CACNA1H: variants seen among roughly 807,000 people sequenced by gnomAD.
The protein encoded by CACNA1H is calcium voltage-gated channel subunit alpha1 H.
Under a neutral mutation model 192.5 loss-of-function variants are expected in CACNA1H, and 149 were observed. That is an observed-to-expected ratio of 0.77 (90% CI 0.68 to 0.89). The LOEUF is 0.89. Ranked by LOEUF, CACNA1H falls within the 40% of genes least tolerant of loss-of-function variation. The probability of loss-of-function intolerance (pLI) is 0.00; values close to 1 mark genes in which losing one functional copy is unlikely to be tolerated. For missense variants in CACNA1H, 4,257 were observed against 3,423.5 expected (o/e 1.24, Z -6.08); for synonymous variants, 2,202 against 1,475.2 (o/e 1.49, Z -11.29).
At position 1,194,958 on chromosome 16, in the gene CACNA1H, A is replaced by C. The variant is rs1966854878; in HGVS notation, c.300-14A>C. ...CCGGGCCGCGCCGGTGTGCTCCTTA[A>C]CCCGCGGCGACACATGGTTCGAGCA... is the stretch of plus-strand genomic sequence containing the variant. On this transcript the variant is annotated splice_polypyrimidine_tract_variant and intron_variant, in intron 2 of 34. Transcript: ENST00000348261. 6.3e-7 allele frequency: 1 copy of C among 1,595,090 alleles called. No individual in the cohort carries two copies. Among genetic ancestry groups the C allele is most frequent in the African/African-American group, 1.3e-5 (1 of 74,452 alleles).
chr16:1,203,289 T>C (rs901738734), intron 9 of CACNA1H, among the ~76,000 whole-genome samples: 6 of 152,208 alleles, frequency 3.9e-5, no homozygotes, highest in Admixed American at 1.3e-4. Flanking sequence ...GTCATTTTCA[T>C]GTCAGTTTCG....
chr16:1,211,540 G>C lies in CACNA1H; in HGVS notation c.4410G>C (p.Lys1470Asn), dbSNP rs909381456. The change falls in exon 23 of 35, where the codon AAG (lysine) becomes AAC (asparagine). Residue 1470 changes from lysine (K) to asparagine (N), a missense_variant. By Grantham distance (94) the Lys-to-Asn change is moderately conservative. Coordinates refer to ENST00000348261, the MANE Select transcript of CACNA1H (RefSeq NM_021098.3). ...EGPDTRNIST[K>N]AQCRAAHYRW... ...CCGACACCAGGAACATCTCCACCAAGGCACAGTGCCGGGCCGCCCACTACC... is the reference window on the plus strand; with the variant it reads ...CCGACACCAGGAACATCTCCACCAACGCACAGTGCCGGGCCGCCCACTACC... 1.2e-6 allele frequency: 2 copies of C among 1,612,474 alleles called. No homozygotes were observed. Among genetic ancestry groups the C allele is most frequent in the Non-Finnish European group, 1.7e-6 (2 of 1,179,712 alleles).
intron 16 of CACNA1H, 29 bp from the exon 17 acceptor site, chr16:1,209,003 C>T: frequency 1.4e-6 from 2 of 1,471,006 alleles, no homozygotes; most frequent in Non-Finnish European, 1.8e-6. Context: ...AGTGATGCCA[C>T]CAGGTCACTG....
In CACNA1H at chr16:1,206,283, T is replaced by C. The variant is rs1802851434; in HGVS notation, c.2783T>C (p.Ile928Thr). 2 of 1,555,310 alleles carry C rather than the reference T, an allele frequency of 1.3e-6. No individual in the cohort carries two copies. The highest frequency in any genetic ancestry group is 1.4e-5 in the African/African-American group (1 of 73,234). ...FCTLLMLFIF[I>T]FSILGMHLFG... Reference sequence around the variant, plus strand: ...ACGCTGCTCATGCTCTTCATTTTCATCTTCAGGTGGGCGCAACCCCCCTCC... The same window carrying C: ...ACGCTGCTCATGCTCTTCATTTTCACCTTCAGGTGGGCGCAACCCCCCTCC... The change falls in exon 12 of 35, where the codon ATC (isoleucine) becomes ACC (threonine). Residue 928 changes from isoleucine (I) to threonine (T), a missense_variant. Transcript: ENST00000348261.
In CACNA1H at chr16:1,183,788, T is replaced by C. The variant is rs573522382; in HGVS notation, c.300-11184T>C. Reference sequence around the variant, plus strand: ...CGTATACACGGGTGAGCACGTGACCTGGCGTGTTGCTCCCCCAGTGGGGTC... The same window carrying C: ...CGTATACACGGGTGAGCACGTGACCCGGCGTGTTGCTCCCCCAGTGGGGTC... On this transcript the variant is annotated intron_variant, in intron 2 of 34. Transcript: ENST00000348261. 4.6e-5 allele frequency among the ~76,000 whole-genome samples: 7 copies of C among 152,378 alleles called. No individual in the cohort carries two copies. In the South Asian group the frequency reaches 1.2e-3, roughly 27 times the overall value.
intron 2 of CACNA1H, among the ~76,000 whole-genome samples, chr16:1,155,307 C>T (rs933678631): frequency 3.3e-5 from 5 of 152,206 alleles, no homozygotes; most frequent in African/African-American, 9.6e-5. Context: ...GCCTCTGTAG[C>T]CTCAGGGTGG....
intron 2 of CACNA1H, among the ~76,000 whole-genome samples, chr16:1,182,347 G>GCAGC (rs1965560763): frequency 1.3e-5 from 2 of 152,268 alleles, no homozygotes; most frequent in African/African-American, 4.8e-5. Flanking sequence ...GAATGTTCCG[G>GCAGC]CAGCCGGGAG....
chr16:1,185,144 C>A (rs114131783), intron 2 of CACNA1H, among the ~76,000 whole-genome samples: 2,546 of 152,322 alleles, frequency 0.017, 72 homozygotes, highest in African/African-American at 0.058. Context: ...TTCCCAGCAT[C>A]ATGTTCCCGG....
At chr16:1,186,664 G>A (rs928138518) in intron 2 of CACNA1H, among the ~76,000 whole-genome samples, 11 of 152,278 alleles carry the variant, frequency 7.2e-5, no homozygotes, top group Admixed American at 2.0e-4. Context: ...CTCCTGCCCC[G>A]TGTGCCCTGG....
chr16:1,178,869 G>T (rs7184761), intron 2 of CACNA1H, among the ~76,000 whole-genome samples: 1 of 152,210 alleles, frequency 6.6e-6, no homozygotes, highest in Non-Finnish European at 1.5e-5. Context: ...AGGAAGGACC[G>T]AACGGTGGCA....
intron 2 of CACNA1H, among the ~76,000 whole-genome samples, chr16:1,178,019 C>T (rs1293073089): frequency 7.5e-6 from 1 of 133,298 alleles, no homozygotes; most frequent in Non-Finnish European, 1.6e-5. Context: ...TCCCCCACTC[C>T]CTCTCCCTGG....
intron 2 of CACNA1H, among the ~76,000 whole-genome samples, chr16:1,171,142 G>A (rs910985284): frequency 7.9e-5 from 12 of 152,164 alleles, no homozygotes; most frequent in African/African-American, 2.6e-4. Flanking sequence ...CTTCCCACCC[G>A]CACCCCTGGG....
In CACNA1H at chr16:1,205,230, G is replaced by A. The variant is rs372206587; in HGVS notation, c.2568G>A (p.Pro856=). The A allele has an allele frequency of 2.0e-5, 33 of 1,611,780 alleles. No homozygotes were observed. Among genetic ancestry groups the A allele is most frequent in the African/African-American group, 1.2e-4 (9 of 74,912 alleles). ...ACGPLGYIRN[P]YNIFDGIIVV... is the part of the protein sequence containing the mutation. ...GCCCTCTGGGCTACATCCGGAACCC[G>A]TACAACATCTTCGACGGCATCATCG... Residue 856 remains proline, a synonymous_variant, in exon 11 of 35, where the codon CCG becomes CCA. Coordinates refer to ENST00000348261, the MANE Select transcript of CACNA1H (RefSeq NM_021098.3).
At chr16:1,212,294 G>A in intron 25 of CACNA1H, 156 bp downstream of exon 25, 1 of 1,223,944 alleles carries the variant, frequency 8.2e-7, no homozygotes, top group Non-Finnish European at 1.1e-6. Flanking sequence ...TGGAGGGGCT[G>A]GCCCGAGAGG....
At chr16:1,195,846 C>G (rs1312577674) in intron 4 of CACNA1H, 80 bp from the exon 5 acceptor site, 6 of 1,138,650 alleles carry the variant, frequency 5.3e-6, no homozygotes, top group Non-Finnish European at 6.7e-6. Flanking sequence ...CTATGCCTGC[C>G]CACCCTACTT....
At chr16:1,209,524 C>A in intron 17 of CACNA1H, 112 bp downstream of exon 17, 1 of 1,349,562 alleles carries the variant, frequency 7.4e-7, no homozygotes, top group Non-Finnish European at 1.0e-6. Flanking sequence ...TGAGGGGATT[C>A]AGAAGGGGAG....
At chr16:1,199,335 G>A (rs371431288) in intron 6 of CACNA1H, among the ~76,000 whole-genome samples, 1,308 of 35,890 alleles carry the variant, frequency 0.036, 2 homozygotes, top group Non-Finnish European at 0.047. Flanking sequence ...TCATGGCTCC[G>A]CCCACCGTGC....
intron 2 of CACNA1H, among the ~76,000 whole-genome samples, chr16:1,182,784 G>A (rs1372022694): frequency 6.6e-6 from 1 of 152,154 alleles, no homozygotes; most frequent in African/African-American, 2.4e-5. Context: ...GTCAGTCACT[G>A]TGGCGGGGAC....
At chr16:1,206,838 C>G in intron 12 of CACNA1H, 163 bp from the exon 13 acceptor site, 1 of 603,576 alleles carries the variant, frequency 1.7e-6, no homozygotes, top group Non-Finnish European at 3.0e-6. Context: ...CCCTTTTAAG[C>G]TAGAGAGCTC....
Sources: gnomAD v4.1 joint callset for allele counts (sites outside exome capture counted in the v4.1 genomes callset) on GRCh38, gnomAD v4.1.1 for gene constraint, MANE v1.5 for transcripts, NCBI Gene and HGNC (gene_info 2026-07-23, HGNC 2026-07-21) for gene names.